The following TRAF2 variants were observed in gnomAD, a reference collection of about 807,000 sequenced individuals.
The protein encoded by TRAF2 is TNF receptor-associated factor 2.
In TRAF2, 6 loss-of-function variants were observed where a neutral mutation model predicts 55.6. That is an observed-to-expected ratio of 0.11 (90% CI 0.06 to 0.21). The LOEUF is 0.21. TRAF2 is among the 10% of genes least tolerant of loss of function. The pLI, the probability that TRAF2 is intolerant of heterozygous loss-of-function variation, is 1.00. For synonymous variants in TRAF2, 329 were observed against 276.3 expected (o/e 1.19, Z -1.89); for missense variants, 561 against 684.5 (o/e 0.82, Z 2.01).
rs1162453808 is a variant in TRAF2 at position 136,886,551 on chromosome 9, G to A, written c.-29+10G>A. 2 of 983,080 alleles carry A rather than the reference G, an allele frequency of 2.0e-6. No individual in the cohort carries two copies. Among genetic ancestry groups the A allele is most frequent in the South Asian group, 4.5e-5 (1 of 22,126 alleles). 60.9% of individuals were successfully genotyped at this position (983,080 alleles called of 1,614,324 possible). On this transcript the variant is annotated intron_variant, in intron 1 of 10. Coordinates refer to ENST00000247668, the MANE Select transcript of TRAF2 (RefSeq NM_021138.4). The stretch of plus-strand genomic sequence containing the variant: ...GCGCTGCGACCGTTGGGTGAGGCGA[G>A]CGCGGGGTCGGGTGCGGGGTCGGGC...
At position 136,886,769 on chromosome 9, in the gene TRAF2, C is replaced by A. The variant is rs1005170052; in HGVS notation, c.-29+228C>A. 9.9e-5 allele frequency: 22 copies of A among 222,268 alleles called. No homozygotes were observed. The South Asian group carries it at 3.2e-3, about 32-fold the overall frequency. The allele number at this position is 222,268 out of a possible 1,614,324, so 13.8% of individuals were successfully genotyped here. ...CGAGCGTGGCTGGCGCGGGAAAGTTCGGGAACGCGCGCGGCCGTGCTCGGA... is the reference window on the plus strand; with the variant it reads ...CGAGCGTGGCTGGCGCGGGAAAGTTAGGGAACGCGCGCGGCCGTGCTCGGA... On this transcript the variant is annotated intron_variant, in intron 1 of 10. Coordinates refer to ENST00000247668, the MANE Select transcript of TRAF2 (RefSeq NM_021138.4).
At chr9:136,912,922 C>A (rs974771877) in intron 6 of TRAF2, among the ~76,000 whole-genome samples, 2 of 152,272 alleles carry the variant, frequency 1.3e-5, no homozygotes, top group South Asian at 4.1e-4. Flanking sequence ...CACCTGAGGT[C>A]AGGAGATCAA....
At chr9:136,918,629 G>T (rs1850303305) in intron 7 of TRAF2, among the ~76,000 whole-genome samples, 1 of 152,064 alleles carries the variant, frequency 6.6e-6, no homozygotes, top group Non-Finnish European at 1.5e-5. Context: ...TAATTTAATT[G>T]CAAAGTCAAG....
chr9:136,893,262 G>A (rs1213793208), intron 1 of TRAF2, among the ~76,000 whole-genome samples: 1 of 152,190 alleles, frequency 6.6e-6, no homozygotes, highest in Admixed American at 6.5e-5. Context: ...CTTCTGTTGG[G>A]TGGTTGGAGG....
At chr9:136,899,054 TC>T in intron 2 of TRAF2, 126 bp downstream of exon 2, 1 of 907,602 alleles carries the variant, frequency 1.1e-6, no homozygotes, top group Admixed American at 3.0e-5. Flanking sequence ...TTATCGATAC[TC>T]CCTGGATTTC....
intron 1 of TRAF2, among the ~76,000 whole-genome samples, chr9:136,891,449 C>T (rs17244383): frequency 0.015 from 2,342 of 151,620 alleles, 33 homozygotes; most frequent in Non-Finnish European, 0.026. Context: ...TCATCATGTT[C>T]CCCAGGCTGG....
intron 8 of TRAF2, 146 bp downstream of exon 8, chr9:136,920,661 A>AG (rs1850362906): frequency 3.4e-6 from 4 of 1,185,570 alleles, no homozygotes; most frequent in East Asian, 2.6e-5. Flanking sequence ...AGTGTGGTTT[A>AG]GGGGAGGCTC....
chr9:136,909,579 A>G (rs984381940), intron 5 of TRAF2, among the ~76,000 whole-genome samples: 11 of 151,966 alleles, frequency 7.2e-5, no homozygotes, highest in Non-Finnish European at 1.5e-4. Context: ...AGCCCTGCCC[A>G]TCCGCCAGGC....
At chr9:136,896,887 C>T (rs1000670664) in intron 1 of TRAF2, among the ~76,000 whole-genome samples, 2 of 152,146 alleles carry the variant, frequency 1.3e-5, no homozygotes, top group Admixed American at 6.5e-5. Flanking sequence ...AGATTACAGG[C>T]GTGAGAGTTG....
chr9:136,921,310 T>G, intron 9 of TRAF2, 95 bp downstream of exon 9: 1 of 1,505,470 alleles, frequency 6.6e-7, no homozygotes, highest in Non-Finnish European at 9.0e-7. Context: ...CTCCCAAGGG[T>G]GGGGCTGGGA....
intron 1 of TRAF2, among the ~76,000 whole-genome samples, chr9:136,896,672 GCT>G (rs1849687150): frequency 6.6e-6 from 1 of 151,844 alleles, no homozygotes; most frequent in African/African-American, 2.4e-5. Flanking sequence ...GTGGAGTCTC[GCT>G]CTGTCACCCA....
intron 4 of TRAF2, among the ~76,000 whole-genome samples, chr9:136,904,888 G>T (rs556138186): frequency 9.9e-5 from 15 of 152,064 alleles, no homozygotes; most frequent in Admixed American, 7.9e-4. Flanking sequence ...AGTGCAAGGC[G>T]CTGTTGGGTT....
chr9:136,913,398 A>T (rs1471071771), intron 6 of TRAF2, among the ~76,000 whole-genome samples: 1 of 138,158 alleles, frequency 7.2e-6, no homozygotes, highest in African/African-American at 2.8e-5. Flanking sequence ...CCTGGATTCA[A>T]GTGATTCTCC....
chr9:136,899,630 G>T lies in TRAF2; in HGVS notation c.225G>T (p.Glu75Asp). Residue 75 changes from glutamate (E) to aspartate (D), a missense_variant, in exon 3 of 11, where the codon GAG becomes GAT. Coordinates refer to ENST00000247668, the MANE Select transcript of TRAF2 (RefSeq NM_021138.4). ...AGAACTGTGCTGCCTGTGTTCACGA[G>T]GGCATATATGAAGAAGGCATTTCTA... is the stretch of plus-strand genomic sequence containing the variant. ...GPQNCAACVH[E>D]GIYEEGISIL... The T allele has an allele frequency of 6.2e-7, 1 of 1,613,338 alleles. No individual in the cohort carries two copies. Among genetic ancestry groups the T allele is most frequent in the East Asian group, 2.2e-5 (1 of 44,854 alleles).
At chr9:136,917,639 G>A (rs1002753741) in intron 7 of TRAF2, among the ~76,000 whole-genome samples, 1 of 152,254 alleles carries the variant, frequency 6.6e-6, no homozygotes, top group African/African-American at 2.4e-5. Flanking sequence ...CTTGCTTGAA[G>A]ACAGGGATGT....
Position 136,926,594 on chromosome 9 carries a change from A to C in TRAF2, c.*693A>C. 1 of 158,010 alleles carries C rather than the reference A, an allele frequency of 6.3e-6. No homozygotes were observed. Among genetic ancestry groups the C allele is most frequent in the Non-Finnish European group, 1.4e-5 (1 of 71,578 alleles). 9.8% of individuals were successfully genotyped at this position (158,010 alleles called of 1,614,324 possible). On this transcript the variant is annotated 3_prime_UTR_variant, in exon 11 of 11. Transcript: ENST00000247668. ...CAGCTCACGAAGACAGAGTTATTAA[A>C]CCATTCAAATCTCTGTGGTCAGTGG...
At chr9:136,893,593 G>T (rs1294222569) in intron 1 of TRAF2, among the ~76,000 whole-genome samples, 1 of 152,200 alleles carries the variant, frequency 6.6e-6, no homozygotes, top group African/African-American at 2.4e-5. Flanking sequence ...CGCACCGTCT[G>T]GGGAAGACAC....
At chr9:136,905,623 AGC>A (rs1849929758) in intron 4 of TRAF2, among the ~76,000 whole-genome samples, 2 of 152,260 alleles carry the variant, frequency 1.3e-5, no homozygotes, top group African/African-American at 2.4e-5. Flanking sequence ...TTGAAGAAAC[AGC>A]AGATTTTCAA....
At chr9:136,906,450 C>T (rs1849954408) in intron 4 of TRAF2, among the ~76,000 whole-genome samples, 1 of 152,030 alleles carries the variant, frequency 6.6e-6, no homozygotes, top group Middle Eastern at 3.2e-3. Flanking sequence ...GGGGAACTGC[C>T]CTTTATCAAA....
Sources: gnomAD v4.1 joint callset for allele counts (sites outside exome capture counted in the v4.1 genomes callset) on GRCh38, gnomAD v4.1.1 for gene constraint, MANE v1.5 for transcripts, NCBI Gene and HGNC (gene_info 2026-07-23, HGNC 2026-07-21) for gene names.